Variants in SGPP2 observed in about 807,000 individuals in gnomAD.
SGPP2 encodes the protein sphingosine-1-phosphate phosphatase 2, also known as sphingosine 1-phosphate phosphohydrolase 2.
Under a neutral mutation model 33.9 loss-of-function variants are expected in SGPP2, and 30 were observed. That is an observed-to-expected ratio of 0.89 (90% CI 0.66 to 1.20). SGPP2 has a LOEUF of 1.20. SGPP2 is among the 50% of genes most tolerant of loss of function. SGPP2 has a pLI of 0.00. For missense variants in SGPP2, 458 were observed against 532.1 expected (o/e 0.86, Z 1.37); for synonymous variants, 233 against 225.0 (o/e 1.04, Z -0.32).
At chr2:222,439,557 G>A (rs963181511) in intron 1 of SGPP2, among the ~76,000 whole-genome samples, 14 of 151,874 alleles carry the variant, frequency 9.2e-5, no homozygotes, top group African/African-American at 3.1e-4. Flanking sequence ...CAACCAAAAC[G>A]TTCCTCAGGA....
intron 2 of SGPP2, among the ~76,000 whole-genome samples, chr2:222,496,323 A>C (rs1040139514): frequency 6.6e-6 from 1 of 152,236 alleles, no homozygotes; most frequent in East Asian, 1.9e-4. Flanking sequence ...CTTATTCTCC[A>C]GGGAGCCAGG....
chr2:222,551,469 AGTT>A (rs1368407046), intron 4 of SGPP2, among the ~76,000 whole-genome samples: 6 of 152,224 alleles, frequency 3.9e-5, no homozygotes, highest in Admixed American at 3.9e-4. Context: ...TAACATAAAA[AGTT>A]GTTTTCAAAT....
chr2:222,453,185 C>T, intron 1 of SGPP2: 1 of 779,312 alleles, frequency 1.3e-6, no homozygotes. Context: ...GAGACATTTG[C>T]AAGGATGGAT....
chr2:222,556,426 C>T (rs2106158708), intron 4 of SGPP2, among the ~76,000 whole-genome samples: 1 of 151,002 alleles, frequency 6.6e-6, no homozygotes, highest in East Asian at 2.0e-4. Context: ...CTCTGAAAGG[C>T]AGTCTCCCCC....
chr2:222,452,068 T>C (rs1346425159), intron 1 of SGPP2, among the ~76,000 whole-genome samples: 2 of 152,192 alleles, frequency 1.3e-5, no homozygotes, highest in African/African-American at 4.8e-5. Flanking sequence ...TATTTCTTAT[T>C]CTTGAGGTTA....
intron 1 of SGPP2, among the ~76,000 whole-genome samples, chr2:222,427,581 T>C (rs548522765): frequency 6.6e-6 from 1 of 152,210 alleles, no homozygotes; most frequent in East Asian, 1.9e-4. Context: ...ACTGGCGATG[T>C]TTCGTTTTTC....
chr2:222,483,489 ATACT>A (rs745847936), intron 2 of SGPP2, among the ~76,000 whole-genome samples: 17 of 152,296 alleles, frequency 1.1e-4, no homozygotes, highest in South Asian at 6.2e-4. Flanking sequence ...TAGCTAGCTG[ATACT>A]TACAGTAAAA....
intron 2 of SGPP2, among the ~76,000 whole-genome samples, chr2:222,481,063 G>C (rs1433095886): frequency 2.0e-5 from 3 of 152,118 alleles, no homozygotes; most frequent in Non-Finnish European, 2.9e-5. Context: ...AGACACGTGA[G>C]GGGGAACAAC....
intron 1 of SGPP2, among the ~76,000 whole-genome samples, chr2:222,472,946 A>C (rs562870917): frequency 6.6e-6 from 1 of 152,142 alleles, no homozygotes; most frequent in African/African-American, 2.4e-5. Context: ...CCTGGGAGGC[A>C]GAGGTTGCAG....
intron 2 of SGPP2, chr2:222,504,986 C>G (rs1343441284): frequency 6.6e-6 from 1 of 152,182 alleles, no homozygotes; most frequent in African/African-American, 2.4e-5. Context: ...GGTTGGATAG[C>G]AAGGCTTACA....
chr2:222,474,571 T>C lies in SGPP2; in HGVS notation c.223T>C (p.Tyr75His). 1 of 1,613,356 alleles carries C rather than the reference T, an allele frequency of 6.2e-7. No individual in the cohort carries two copies. Among genetic ancestry groups the C allele is most frequent in the Non-Finnish European group, 8.5e-7 (1 of 1,179,718 alleles). Residue 75 changes from tyrosine (Y) to histidine (H), a missense_variant, in exon 2 of 5, where the codon TAT becomes CAT. Tyr to His is a moderately conservative substitution (Grantham distance 83). Transcript: ENST00000321276. ...GLRRAAAPEA[Y>H]VQKYVVKNYF... ...TCTTCTAACTTTTGTCTTTTAGGCT[T>C]ATGTACAGAAGTACGTCGTGAAGAA...
In SGPP2 at chr2:222,460,315, C is replaced by G. The variant is rs904446055; in HGVS notation, c.220-14253C>G. 2.2e-4 allele frequency among the ~76,000 whole-genome samples: 33 copies of G among 152,112 alleles called. No homozygotes were observed. The highest frequency in any genetic ancestry group is 8.0e-4 in the African/African-American group (33 of 41,412). ...ATGGCCCATGAGACTCCCTGAGTAC[C>G]CAGCTGTTATTTCAGATGTGAGGTG... On this transcript the variant is annotated intron_variant, in intron 1 of 4. Transcript: ENST00000321276. The surrounding 1 kb of genome is among the most constrained non-coding windows in gnomAD (Gnocchi z 4.3).
chr2:222,534,531 A>G (rs367707159), intron 4 of SGPP2, among the ~76,000 whole-genome samples: 2 of 152,180 alleles, frequency 1.3e-5, no homozygotes, highest in African/African-American at 4.8e-5. Context: ...ATACTAAATT[A>G]TCTGCAGACC....
chr2:222,511,223 A>G (rs577715161), intron 2 of SGPP2, among the ~76,000 whole-genome samples: 1 of 152,296 alleles, frequency 6.6e-6, no homozygotes, highest in East Asian at 1.9e-4. Context: ...TGTAAGGACA[A>G]GTTTCATATT....
chr2:222,453,131 G>T (rs1207423550), intron 1 of SGPP2: 14 of 699,932 alleles, frequency 2.0e-5, no homozygotes, highest in Non-Finnish European at 3.3e-5. Context: ...GATCCATGGA[G>T]GAAGGAAGAG....
chr2:222,452,559 G>T, intron 1 of SGPP2: 1 of 1,154,554 alleles, frequency 8.7e-7, no homozygotes, highest in Non-Finnish European at 1.3e-6. Context: ...CTACATGCAG[G>T]ACTGTAGAGA....
In SGPP2 at chr2:222,521,798, A is replaced by G. The variant is rs753877687; in HGVS notation, c.410A>G (p.Asp137Gly). 6.2e-7 allele frequency: 1 copy of G among 1,609,534 alleles called. No individual in the cohort carries two copies. The highest frequency in any genetic ancestry group is 8.5e-7 in the Non-Finnish European group (1 of 1,178,584). The change falls in exon 3 of 5, where the codon GAT (aspartate) becomes GGT (glycine). Residue 137 changes from aspartate (D) to glycine (G), a missense_variant. Asp to Gly is a moderately conservative substitution (Grantham distance 94). Transcript: ENST00000321276. ...LVMYIGQVAK[D>G]VLKWPRPSSP... ...ATGTATATTGGCCAAGTGGCCAAGG[A>G]TGTCTTGAAGTGGCCCCGTCCCTCC...
rs1198322841 is a variant in SGPP2, at chr2:222,521,831, C to T, written c.443C>T (p.Pro148Leu). ...VLKWPRPSSP[P>L]VVKLEKRLIA... ...AAGTGGCCCCGTCCCTCCTCCCCTC[C>T]AGTTGTAAAACTGGAAAAGAGACTG... is the stretch of plus-strand genomic sequence containing the variant. Residue 148 changes from proline (P) to leucine (L), a missense_variant, in exon 3 of 5, where the codon CCA (proline) becomes CTA (leucine). Transcript: ENST00000321276. 6.2e-7 allele frequency: 1 copy of T among 1,610,864 alleles called. No homozygotes were observed. Among genetic ancestry groups the T allele is most frequent in the Admixed American group, 1.7e-5 (1 of 59,412 alleles).
intron 4 of SGPP2, among the ~76,000 whole-genome samples, chr2:222,534,126 A>G (rs1055079366): frequency 4.6e-5 from 7 of 152,216 alleles, no homozygotes; most frequent in Non-Finnish European, 1.0e-4. Context: ...CAAAGTCTCA[A>G]AATGTGGACC....
Sources: allele counts gnomAD v4.1 joint callset (sites outside exome capture counted in the v4.1 genomes callset), GRCh38; gene constraint gnomAD v4.1.1; non-coding constraint Gnocchi (gnomAD v3.1); transcripts MANE v1.5; gene names NCBI Gene and HGNC (gene_info 2026-07-23, HGNC 2026-07-21).